The following RETREG1 variants were observed in gnomAD, a reference collection of about 807,000 sequenced individuals.
RETREG1 encodes reticulophagy regulator 1, also known as family with sequence similarity 134 member B.
A neutral mutation model predicts 54.8 loss-of-function variants in RETREG1; 44 were observed. The ratio of observed to expected loss-of-function variants is 0.80; its 90% CI spans 0.63 to 1.03. The LOEUF (loss-of-function observed/expected upper bound fraction) is 1.03, where lower values mean the gene tolerates loss of function less well. RETREG1 is among the 50% of genes least tolerant of loss of function. The pLI is 0.00. For missense variants in RETREG1, 554 were observed against 605.1 expected (o/e 0.92, Z 0.89); for synonymous variants, 217 against 238.5 (o/e 0.91, Z 0.83).
chr5:16,474,983 T>C lies in RETREG1; in HGVS notation c.1252A>G (p.Thr418Ala). 6.2e-7 allele frequency: 1 copy of C among 1,613,876 alleles called. No homozygotes were observed. Among genetic ancestry groups the C allele is most frequent in the South Asian group, 1.1e-5 (1 of 91,076 alleles). Reference sequence around the variant, plus strand: ...TTGATAGCTGCAGTCACTGCAGCTGTGATAACATCCCCAGCCAGGTTGCTC... The same window carrying C: ...TTGATAGCTGCAGTCACTGCAGCTGCGATAACATCCCCAGCCAGGTTGCTC... ...LMSNLAGDVI[T>A]AAVTAAIKDQ... is the part of the protein sequence containing the mutation. Residue 418 changes from threonine (T) to alanine (A), a missense_variant, in exon 9 of 9, where the codon ACA becomes GCA. By Grantham distance (58) the Thr-to-Ala change is moderately conservative. Around this residue, in one of 4 missense-constraint regions of RETREG1, gnomAD observed 347 missense variants for 412.3 expected, o/e 0.84. Coordinates refer to ENST00000306320, the MANE Select transcript of RETREG1 (RefSeq NM_001034850.3).
chr5:16,520,815 C>G (rs77728818), intron 3 of RETREG1, among the ~76,000 whole-genome samples: 1 of 152,106 alleles, frequency 6.6e-6, no homozygotes, highest in African/African-American at 2.4e-5. Context: ...TTGCCCCTCA[C>G]TGGTGGCTTC....
intron 1 of RETREG1, among the ~76,000 whole-genome samples, chr5:16,613,917 A>C (rs1168197772): frequency 6.6e-6 from 1 of 152,392 alleles, no homozygotes; most frequent in South Asian, 2.1e-4. Context: ...AAGGGAAAAA[A>C]AAACAAAATT....
At chr5:16,488,801 T>C (rs2126529415) in intron 3 of RETREG1, among the ~76,000 whole-genome samples, 1 of 152,218 alleles carries the variant, frequency 6.6e-6, no homozygotes, top group Admixed American at 6.5e-5. Context: ...AAGCAGACCT[T>C]AGGCCGGGCG....
chr5:16,486,423 T>C (rs994526330), intron 3 of RETREG1, among the ~76,000 whole-genome samples: 7 of 152,220 alleles, frequency 4.6e-5, no homozygotes, highest in African/African-American at 1.7e-4. Context: ...ATTTCTATAG[T>C]CTTCCAGTGA....
intron 3 of RETREG1, among the ~76,000 whole-genome samples, chr5:16,552,667 GT>G (rs1474216087): frequency 5.3e-5 from 8 of 152,036 alleles, no homozygotes; most frequent in African/African-American, 1.9e-4. Context: ...ACTTCTCTTA[GT>G]TAGTCCCTGT....
intron 3 of RETREG1, among the ~76,000 whole-genome samples, chr5:16,528,492 C>G (rs1030827405): frequency 6.6e-6 from 1 of 152,078 alleles, no homozygotes; most frequent in Non-Finnish European, 1.5e-5. Flanking sequence ...CAGGAGTCAG[C>G]TCTGGATGAC....
intron 1 of RETREG1, among the ~76,000 whole-genome samples, chr5:16,575,766 C>T (rs919268926): frequency 6.6e-6 from 1 of 152,182 alleles, no homozygotes; most frequent in African/African-American, 2.4e-5. Flanking sequence ...TAATGCCAAA[C>T]TGTATGGGAC....
At chr5:16,531,669 G>A (rs2126595159) in intron 3 of RETREG1, among the ~76,000 whole-genome samples, 1 of 152,244 alleles carries the variant, frequency 6.6e-6, no homozygotes, top group South Asian at 2.1e-4. Context: ...CCTTGGGCTT[G>A]GAAGGGAGGA....
chr5:16,511,438 G>A (rs927045693), intron 3 of RETREG1, among the ~76,000 whole-genome samples: 1 of 152,146 alleles, frequency 6.6e-6, no homozygotes, highest in African/African-American at 2.4e-5. Context: ...AGGCTAGATG[G>A]ATTAAACGTA....
intron 3 of RETREG1, among the ~76,000 whole-genome samples, chr5:16,494,116 C>T (rs1739354430): frequency 6.6e-6 from 1 of 152,132 alleles, no homozygotes; most frequent in African/African-American, 2.4e-5. Context: ...TACACTCTTA[C>T]TAAGAGAATC....
chr5:16,534,157 CA>C (rs980969686), intron 3 of RETREG1, among the ~76,000 whole-genome samples: 2 of 151,842 alleles, frequency 1.3e-5, no homozygotes, highest in Non-Finnish European at 2.9e-5. Context: ...TTTCACCAAG[CA>C]AAAAAACTTG....
chr5:16,573,736 T>TTTG (rs1742249165), intron 1 of RETREG1, among the ~76,000 whole-genome samples: 10 of 86,652 alleles, frequency 1.2e-4, no homozygotes, highest in Admixed American at 2.8e-4. Context: ...GGTTTGTTTG[T>TTTG]TTTTTGTTTT....
Position 16,561,266 on chromosome 5 carries a change from G to A in RETREG1, c.458+4497C>T, listed in dbSNP as rs948347697. On this transcript the variant is annotated intron_variant, in intron 3 of 8. Transcript: ENST00000306320. The surrounding 1 kb of genome is among the most constrained non-coding windows in gnomAD (Gnocchi z 4.2). ...TAATCCCAGCACTTTGGGAGGCCGA[G>A]TCGGGCGGATCATGAGGTCAGGAGA... Among the ~76,000 whole-genome samples, 3 of 152,082 alleles carry A rather than the reference G, an allele frequency of 2.0e-5. No homozygotes were observed. The highest frequency in any genetic ancestry group is 6.5e-5 in the Admixed American group (1 of 15,274).
chr5:16,616,141 C>T (rs1355854540), intron 1 of RETREG1: 1 of 155,210 alleles, frequency 6.4e-6, no homozygotes, highest in African/African-American at 2.4e-5. Flanking sequence ...GGAGTAAACA[C>T]AGTAAACCTA....
chr5:16,596,444 G>A (rs1404031675), intron 1 of RETREG1, among the ~76,000 whole-genome samples: 1 of 152,180 alleles, frequency 6.6e-6, no homozygotes, highest in Non-Finnish European at 1.5e-5. Context: ...CTGACAAGGG[G>A]AAACTGGCAC....
intron 1 of RETREG1, among the ~76,000 whole-genome samples, chr5:16,582,491 G>A (rs749540227): frequency 5.9e-5 from 9 of 151,686 alleles, no homozygotes; most frequent in East Asian, 1.9e-4. Context: ...TGGTATTGAC[G>A]GGATAGTTTA....
chr5:16,504,849 G>T (rs1458682195), intron 3 of RETREG1, among the ~76,000 whole-genome samples: 1 of 152,090 alleles, frequency 6.6e-6, no homozygotes, highest in Non-Finnish European at 1.5e-5. Flanking sequence ...ACGGCACCCT[G>T]GTCAGGCTCC....
intron 3 of RETREG1, among the ~76,000 whole-genome samples, chr5:16,552,100 T>C (rs2126616800): frequency 6.6e-6 from 1 of 152,374 alleles, no homozygotes; most frequent in Middle Eastern, 3.4e-3. Flanking sequence ...TCACAGGTTC[T>C]GAGTTACGGT....
At chr5:16,531,772 C>G (rs1288880893) in intron 3 of RETREG1, among the ~76,000 whole-genome samples, 2 of 152,194 alleles carry the variant, frequency 1.3e-5, no homozygotes, top group Non-Finnish European at 2.9e-5. Context: ...AGGCTTTGCT[C>G]ACCAAGCATC....
Sources: allele counts gnomAD v4.1 joint callset (sites outside exome capture counted in the v4.1 genomes callset), GRCh38; gene constraint gnomAD v4.1.1; regional missense constraint gnomAD v4.1.1; non-coding constraint Gnocchi (gnomAD v3.1); transcripts MANE v1.5; gene names NCBI Gene and HGNC (gene_info 2026-07-23, HGNC 2026-07-21).